Variants in NAALADL2 observed in about 807,000 individuals in gnomAD.
The protein encoded by NAALADL2 is N-acetylated alpha-linked acidic dipeptidase like 2, also known as inactive N-acetylated-alpha-linked acidic dipeptidase-like protein 2.
NAALADL2 carries 76 observed loss-of-function variants against 87.2 expected under a neutral mutation model. The ratio of observed to expected loss-of-function variants is 0.87; its 90% CI spans 0.72 to 1.05. NAALADL2 has a LOEUF of 1.05. Among genes scored for constraint, NAALADL2 ranks in the 50% least tolerant of loss-of-function variants. NAALADL2 has a pLI of 0.00. For missense variants in NAALADL2, 1,089 were observed against 945.8 expected (o/e 1.15, Z -1.99); for synonymous variants, 354 against 331.0 (o/e 1.07, Z -0.75).
chr3:174,891,410 T>C (rs1302110913), intron 1 of NAALADL2, among the ~76,000 whole-genome samples: 4 of 151,862 alleles, frequency 2.6e-5, no homozygotes, highest in East Asian at 1.9e-4. Flanking sequence ...ACTGAAGATA[T>C]AGAAAAAACA....
chr3:175,507,741 C>G (rs1433294462), intron 9 of NAALADL2, among the ~76,000 whole-genome samples: 2 of 152,068 alleles, frequency 1.3e-5, no homozygotes, highest in Non-Finnish European at 2.9e-5. Flanking sequence ...ATTATTAATG[C>G]TTTATTTTCC....
chr3:175,259,209 T>G (rs1236325213), intron 4 of NAALADL2, among the ~76,000 whole-genome samples: 4 of 152,142 alleles, frequency 2.6e-5, no homozygotes, highest in Non-Finnish European at 5.9e-5. Context: ...TTTCTAAGCC[T>G]TCTCCAACAA....
chr3:175,074,335 T>A (rs964997740), intron 1 of NAALADL2, among the ~76,000 whole-genome samples: 10 of 152,094 alleles, frequency 6.6e-5, no homozygotes, highest in Admixed American at 6.6e-4. Flanking sequence ...GTAAGTTATT[T>A]TAGGCCAGAT....
intron 1 of NAALADL2, chr3:175,059,530 G>A (rs765036383): frequency 3.6e-5 from 9 of 252,800 alleles, no homozygotes; most frequent in East Asian, 3.2e-4. Flanking sequence ...AGACTAAGCC[G>A]TCTGCTTGAA....
At position 175,778,909 on chromosome 3, in the gene NAALADL2, A is replaced by G. The variant is rs1750632810; in HGVS notation, c.2189+23491A>G. Among the ~76,000 whole-genome samples the G allele has an allele frequency of 2.6e-5, 4 of 152,136 alleles. No homozygotes were observed. The South Asian group carries it at 8.3e-4, about 31-fold the overall frequency. On this transcript the variant is annotated intron_variant, in intron 13 of 13. Coordinates refer to ENST00000454872, the MANE Select transcript of NAALADL2 (RefSeq NM_207015.3). ...TACCTAAGGCAGATTAACAGGAGAA[A>G]AGCATATGAGTTTTATTTAGTAATT...
At chr3:175,186,506 C>T (rs933557266) in intron 2 of NAALADL2, among the ~76,000 whole-genome samples, 1 of 152,020 alleles carries the variant, frequency 6.6e-6, no homozygotes, top group African/African-American at 2.4e-5. Flanking sequence ...TTGAAAACAA[C>T]CAGGATTAGA....
chr3:175,649,438 G>A (rs1209528360), intron 11 of NAALADL2, among the ~76,000 whole-genome samples: 1 of 150,952 alleles, frequency 6.6e-6, no homozygotes, highest in East Asian at 1.9e-4. Context: ...GTTGGCATGT[G>A]TTTTATTCTG....
intron 5 of NAALADL2, among the ~76,000 whole-genome samples, chr3:175,380,625 G>A (rs1767676446): frequency 1.3e-5 from 2 of 152,224 alleles, no homozygotes; most frequent in African/African-American, 4.8e-5. Flanking sequence ...ATACCATGCT[G>A]TATTTTAGAA....
At chr3:174,742,513 T>G (rs1733858838) in intron 3 of NAALADL2, among the ~76,000 whole-genome samples, 1 of 151,704 alleles carries the variant, frequency 6.6e-6, no homozygotes, top group Non-Finnish European at 1.5e-5. Flanking sequence ...AAATAACATA[T>G]AATAAATAAT....
rs192126932 is a variant in NAALADL2 at position 175,583,679 on chromosome 3, A to G, written c.1800+7492A>G. Among the ~76,000 whole-genome samples the G allele has an allele frequency of 3.5e-4, 53 of 152,330 alleles. No individual in the cohort carries two copies. The East Asian group carries it at 9.1e-3, about 26-fold the overall frequency. On this transcript the variant is annotated intron_variant, in intron 10 of 13. Coordinates refer to ENST00000454872, the MANE Select transcript of NAALADL2 (RefSeq NM_207015.3). ...AAATAATAGAATTTTATTCAACAAGACAATGTTCAGAGAAAAAGCCTTGGC... is the reference window on the plus strand; with the variant it reads ...AAATAATAGAATTTTATTCAACAAGGCAATGTTCAGAGAAAAAGCCTTGGC...
chr3:175,303,876 A>T (rs9866779), intron 4 of NAALADL2, among the ~76,000 whole-genome samples: 73,493 of 151,998 alleles, frequency 0.48, 18,589 homozygotes, highest in African/African-American at 0.63. Flanking sequence ...CCTTTCTAGA[A>T]GTTATATGAA....
At chr3:175,116,027 A>G (rs907328977) in intron 2 of NAALADL2, among the ~76,000 whole-genome samples, 2 of 151,938 alleles carry the variant, frequency 1.3e-5, no homozygotes, top group Admixed American at 6.6e-5. Flanking sequence ...CTTCGACAAA[A>G]TTCAACAGCC....
chr3:175,220,868 G>A (rs1370398252), intron 2 of NAALADL2, among the ~76,000 whole-genome samples: 1 of 152,110 alleles, frequency 6.6e-6, no homozygotes, highest in East Asian at 1.9e-4. Flanking sequence ...ATTCCCGCAA[G>A]TACTGTTAGG....
At chr3:175,324,062 G>GAAAAA in intron 4 of NAALADL2, 113 bp from the exon 5 acceptor site, 1 of 617,850 alleles carries the variant, frequency 1.6e-6, no homozygotes, top group Non-Finnish European at 2.6e-6. Context: ...AAAAGAAAAA[G>GAAAAA]AAAAAAAAAC....
intron 11 of NAALADL2, among the ~76,000 whole-genome samples, chr3:175,639,686 C>A (rs1475926882): frequency 6.6e-6 from 1 of 152,124 alleles, no homozygotes; most frequent in East Asian, 1.9e-4. Context: ...ATTTTCTCCA[C>A]ACCTTTAACT....
intron 3 of NAALADL2, among the ~76,000 whole-genome samples, chr3:174,844,157 A>G (rs1028768569): frequency 6.6e-6 from 1 of 152,110 alleles, no homozygotes; most frequent in African/African-American, 2.4e-5. Context: ...CAGGTCTTAC[A>G]TGTATGTATG....
chr3:175,584,928 C>A (rs1473656629), intron 10 of NAALADL2, among the ~76,000 whole-genome samples: 4 of 152,088 alleles, frequency 2.6e-5, no homozygotes, highest in Non-Finnish European at 4.4e-5. Flanking sequence ...TTAATAAACA[C>A]TATACACATA....
intron 1 of NAALADL2, among the ~76,000 whole-genome samples, chr3:174,446,424 T>G (rs1289587968): frequency 6.6e-6 from 1 of 152,194 alleles, no homozygotes; most frequent in Non-Finnish European, 1.5e-5. Flanking sequence ...CATGAAATTC[T>G]TTAGTTTTAG....
At position 175,097,105 on chromosome 3, in the gene NAALADL2, G is replaced by A; in HGVS notation, c.359G>A (p.Cys120Tyr). The change falls in exon 2 of 14, where the codon TGC becomes TAC. Residue 120 changes from cysteine to tyrosine, a missense_variant. By Grantham distance (194) the Cys-to-Tyr change is radical. Coordinates refer to ENST00000454872, the MANE Select transcript of NAALADL2 (RefSeq NM_207015.3). ...YTRSAPKSNR[C>Y]NFCHVLKILC... ...CGATCTGCACCAAAGAGCAATCGCTGCAACTTTTGCCACGTCTTAAAAATA... is the reference window on the plus strand; with the variant it reads ...CGATCTGCACCAAAGAGCAATCGCTACAACTTTTGCCACGTCTTAAAAATA... The A allele has an allele frequency of 6.2e-7, 1 of 1,613,740 alleles. No homozygotes were observed.
Sources: gnomAD v4.1 joint callset for allele counts (sites outside exome capture counted in the v4.1 genomes callset) on GRCh38, gnomAD v4.1.1 for gene constraint, MANE v1.5 for transcripts, NCBI Gene and HGNC (gene_info 2026-07-23, HGNC 2026-07-21) for gene names.